Variants in HLA-DPB1 observed in about 807,000 individuals in gnomAD.
The protein encoded by HLA-DPB1 is HLA class II histocompatibility antigen, DP beta 1 chain.
In HLA-DPB1, 30 loss-of-function variants were observed where a neutral mutation model predicts 29.4. That is an observed-to-expected ratio of 1.02 (90% CI 0.76 to 1.38). The LOEUF is 1.38. Among genes scored for constraint, HLA-DPB1 ranks in the 40% most tolerant of loss-of-function variants. HLA-DPB1 has a pLI of 0.00. For synonymous variants in HLA-DPB1, 114 were observed against 134.0 expected, an observed-to-expected ratio of 0.85 and a Z score of 1.03; for missense variants, 261 against 327.5, an observed-to-expected ratio of 0.80 and a Z score of 1.57.
Position 33,086,575 on chromosome 6 carries a change from GGA to G in HLA-DPB1, c.*42_*43del. On this transcript the variant is annotated 3_prime_UTR_variant, in exon 6 of 6. Coordinates refer to ENST00000418931, the MANE Select transcript of HLA-DPB1 (RefSeq NM_002121.6). Reference sequence around the variant, plus strand: ...TCACTGAAAAGACTATTGTGCCTTAGGAAAAGCATTTGCTGTGTTTCGTTAGC... The same window carrying G: ...TCACTGAAAAGACTATTGTGCCTTAGAAAGCATTTGCTGTGTTTCGTTAGC... 1 of 599,190 alleles carries G rather than the reference GGA, an allele frequency of 1.7e-6. No homozygotes were observed. The highest frequency in any genetic ancestry group is 3.2e-6 in the Non-Finnish European group (1 of 316,462). 37.1% of individuals were successfully genotyped at this position (599,190 alleles called of 1,614,324 possible).
At chr6:33,083,136 G>A (rs115400085) in intron 2 of HLA-DPB1, among the ~76,000 whole-genome samples, 1 of 152,328 alleles carries the variant, frequency 6.6e-6, no homozygotes, top group Non-Finnish European at 1.5e-5. Flanking sequence ...GTGAGACACA[G>A]GTGCCCCTGA....
intron 5 of HLA-DPB1, 133 bp downstream of exon 5, chr6:33,086,375 A>C: frequency 1.2e-6 from 1 of 804,744 alleles, no homozygotes; most frequent in South Asian, 1.4e-5. Flanking sequence ...GTCAGCCTTC[A>C]GGCAAGTGGG....
chr6:33,080,977 C>A lies in HLA-DPB1; in HGVS notation c.364+42C>A. ...GGCCGGCGGTCCCAGGGCAGCCCCGCGGGCCCGTGCCCAGGGCGCAGGAGC... is the reference window on the plus strand; with the variant it reads ...GGCCGGCGGTCCCAGGGCAGCCCCGAGGGCCCGTGCCCAGGGCGCAGGAGC... On this transcript the variant is annotated intron_variant, in intron 2 of 5. Coordinates refer to ENST00000418931, the MANE Select transcript of HLA-DPB1 (RefSeq NM_002121.6). This position sits in a 1 kb window ranked among gnomAD's most constrained non-coding sequence, Gnocchi z 4.3. 1 of 1,524,532 alleles carries A rather than the reference C, an allele frequency of 6.6e-7. No individual in the cohort carries two copies. The highest frequency in any genetic ancestry group is 1.3e-5 in the South Asian group (1 of 78,466). The allele number at this position is 1,524,532 out of a possible 1,614,324, so 94.4% of individuals were successfully genotyped here.
At chr6:33,077,972 G>A (rs114275275) in intron 1 of HLA-DPB1, among the ~76,000 whole-genome samples, 1,553 of 152,280 alleles carry the variant, frequency 0.01, 31 homozygotes, top group African/African-American at 0.034. Context: ...TCAGCCCTGG[G>A]AACTGCAGAG....
chr6:33,085,248 C>T lies in HLA-DPB1; in HGVS notation c.646+17C>T, dbSNP rs539695276. The T allele has an allele frequency of 6.3e-7, 1 of 1,578,906 alleles. No individual in the cohort carries two copies. The highest frequency in any genetic ancestry group is 1.2e-5 in the South Asian group (1 of 86,446). On this transcript the variant is annotated intron_variant, in intron 3 of 5. Coordinates refer to ENST00000418931, the MANE Select transcript of HLA-DPB1 (RefSeq NM_002121.6). ...TGGAGTGGAGTGAGTCTCTGATGAC[C>T]CTCTAGACCCCACCTCTGAAGAGCA...
intron 4 of HLA-DPB1, 63 bp downstream of exon 4, chr6:33,085,952 G>A (rs775515340): frequency 3.6e-5 from 39 of 1,086,968 alleles, no homozygotes; most frequent in Middle Eastern, 2.1e-4. Context: ...CTTATTCCAC[G>A]ATGAGGGGTT....
chr6:33,078,289 GA>G (rs1379914067), intron 1 of HLA-DPB1, among the ~76,000 whole-genome samples: 1 of 152,158 alleles, frequency 6.6e-6, no homozygotes, highest in Non-Finnish European at 1.5e-5. Context: ...TGCGTAGAAT[GA>G]ATGTTCAATC....
intron 5 of HLA-DPB1, 46 bp from the exon 6 acceptor site, chr6:33,086,493 G>T: frequency 1.5e-6 from 1 of 684,220 alleles, no homozygotes; most frequent in Non-Finnish European, 2.7e-6. Flanking sequence ...TGGACTTACA[G>T]GAAGGAGGCT....
At position 33,088,934 on chromosome 6, in the gene HLA-DPB1, C is replaced by T. The variant is rs9277558; in HGVS notation, c.*2400C>T. 0.25 allele frequency among the ~76,000 whole-genome samples: 38,290 copies of T among 151,888 alleles called. 5,234 individuals carry two copies. The highest frequency in any genetic ancestry group is 0.63 in the East Asian group (3,222 of 5,148). The stretch of plus-strand genomic sequence containing the variant: ...TCCATCCCTTTCCACCTGGTCCCTT[C>T]ATTTTCTACCCCTCACAGTTCCCTA... On this transcript the variant is annotated 3_prime_UTR_variant, in exon 6 of 6. Transcript: ENST00000418931.
intron 1 of HLA-DPB1, among the ~76,000 whole-genome samples, chr6:33,077,228 G>A (rs1436405246): frequency 6.6e-6 from 1 of 151,954 alleles, no homozygotes; most frequent in African/African-American, 2.4e-5. Context: ...CTTCCTCCAT[G>A]TCCCTACAAA....
In HLA-DPB1 at chr6:33,088,481, C is replaced by A. The variant is rs1763213041; in HGVS notation, c.*1947C>A. The stretch of plus-strand genomic sequence containing the variant: ...GGGTGTCAGGAGATGAGGAATGTCC[C>A]TGGAGTCACAGAAAGAAGGTATCAG... On this transcript the variant is annotated 3_prime_UTR_variant, in exon 6 of 6. Coordinates refer to ENST00000418931, the MANE Select transcript of HLA-DPB1 (RefSeq NM_002121.6). 6.6e-6 allele frequency among the ~76,000 whole-genome samples: 1 copy of A among 152,142 alleles called. No individual in the cohort carries two copies. Among genetic ancestry groups the A allele is most frequent in the African/African-American group, 2.4e-5 (1 of 41,432 alleles).
In HLA-DPB1 at chr6:33,087,996, G is replaced by C. The variant is rs1195852974; in HGVS notation, c.*1462G>C. Among the ~76,000 whole-genome samples the C allele has an allele frequency of 6.6e-6, 1 of 152,150 alleles. No individual in the cohort carries two copies. The highest frequency in any genetic ancestry group is 1.9e-4 in the East Asian group (1 of 5,200). ...CTATAAAGGAAAATGCTGCTGACTT[G>C]TTTTTGCGTAGTAATTTCAGCTGTC... On this transcript the variant is annotated 3_prime_UTR_variant, in exon 6 of 6. Transcript: ENST00000418931.
In HLA-DPB1 at chr6:33,088,380, AAC is replaced by A. The variant is rs9280317; in HGVS notation, c.*1849_*1850del. Among the ~76,000 whole-genome samples, 38,302 of 151,966 alleles carry A rather than the reference AAC, an allele frequency of 0.25. 5,227 individuals are homozygous for A. The highest frequency in any genetic ancestry group is 0.63 in the East Asian group (3,215 of 5,138). On this transcript the variant is annotated 3_prime_UTR_variant, in exon 6 of 6. Coordinates refer to ENST00000418931, the MANE Select transcript of HLA-DPB1 (RefSeq NM_002121.6). ...GAGTGGAGTGAACAATCTCTGGACT[AAC>A]ACTTGTCAGGATCAGAAGCTGAGGT...
chr6:33,085,642 A>G (rs779753963), intron 3 of HLA-DPB1, 137 bp from the exon 4 acceptor site: 42 of 690,720 alleles, frequency 6.1e-5, no homozygotes, highest in Non-Finnish European at 1.0e-4. Context: ...GCTCTTTCTG[A>G]ATTTCCTCTT....
rs9501260 is a variant in HLA-DPB1 at position 33,088,873 on chromosome 6, C to T, written c.*2339C>T. 0.054 allele frequency among the ~76,000 whole-genome samples: 8,267 copies of T among 152,070 alleles called. 342 individuals are homozygous for T. Among genetic ancestry groups the T allele is most frequent in the African/African-American group, 0.095 (3,939 of 41,418 alleles). ...ATTGATACCTGCAGAAGAAAAAACCCGGCGGGCTTAGGACTCCCAGCTGAG... is the reference window on the plus strand; with the variant it reads ...ATTGATACCTGCAGAAGAAAAAACCTGGCGGGCTTAGGACTCCCAGCTGAG... On this transcript the variant is annotated 3_prime_UTR_variant, in exon 6 of 6. Transcript: ENST00000418931.
chr6:33,080,485 G>GA lies in HLA-DPB1; in HGVS notation c.101-183dup, dbSNP rs764048597. 1.0e-4 allele frequency: 82 copies of GA among 807,092 alleles called. No individual in the cohort carries two copies. Among genetic ancestry groups the GA allele is most frequent in the Non-Finnish European group, 1.6e-4 (75 of 469,780 alleles). The allele number at this position is 807,092 out of a possible 1,614,324, so 50.0% of individuals were successfully genotyped here. Reference sequence around the variant, plus strand: ...AGTAAATTCTCTCTCTGCGTGGTGAGAAAACAGGCCTGGAGAGGCTCTGCG... The same window carrying GA: ...AGTAAATTCTCTCTCTGCGTGGTGAGAAAAACAGGCCTGGAGAGGCTCTGCG... On this transcript the variant is annotated intron_variant, in intron 1 of 5. Coordinates refer to ENST00000418931, the MANE Select transcript of HLA-DPB1 (RefSeq NM_002121.6). This position sits in a 1 kb window ranked among gnomAD's most constrained non-coding sequence, Gnocchi z 4.3.
chr6:33,080,632 G>T lies in HLA-DPB1; in HGVS notation c.101-40G>T. On this transcript the variant is annotated intron_variant, in intron 1 of 5. Transcript: ENST00000418931. The surrounding 1 kb of genome is among the most constrained non-coding windows in gnomAD (Gnocchi z 4.3). Reference sequence around the variant, plus strand: ...GAGAGAGGGAGAAAGAGGATTAGATGAGAGTGGCGCCTCCGCTCATGTCCG... The same window carrying T: ...GAGAGAGGGAGAAAGAGGATTAGATTAGAGTGGCGCCTCCGCTCATGTCCG... 1 of 1,611,160 alleles carries T rather than the reference G, an allele frequency of 6.2e-7. No homozygotes were observed. The highest frequency in any genetic ancestry group is 8.5e-7 in the Non-Finnish European group (1 of 1,178,362).
intron 2 of HLA-DPB1, chr6:33,083,947 CACAGAGGAGGAA>C (rs879461571): frequency 0.37 from 55,343 of 148,128 alleles, 12,270 homozygotes; most frequent in East Asian, 0.64. Context: ...GAAGACGCAG[CACAGAGGAGGAA>C]CTTGAAAAAG....
In HLA-DPB1 at chr6:33,089,596, T is replaced by C. The variant is rs559069707; in HGVS notation, c.*3062T>C. Among the ~76,000 whole-genome samples the C allele has an allele frequency of 2.6e-5, 4 of 152,302 alleles. No individual in the cohort carries two copies. Among genetic ancestry groups the C allele is most frequent in the African/African-American group, 9.6e-5 (4 of 41,562 alleles). ...CTCGCATTTCATTTTCCAATGTAAA[T>C]CATATGGCTGCAACTAACTTCAAAT... is the stretch of plus-strand genomic sequence containing the variant. On this transcript the variant is annotated 3_prime_UTR_variant, in exon 6 of 6. Coordinates refer to ENST00000418931, the MANE Select transcript of HLA-DPB1 (RefSeq NM_002121.6).
Sources: gnomAD v4.1 joint callset for allele counts (sites outside exome capture counted in the v4.1 genomes callset) on GRCh38, gnomAD v4.1.1 for gene constraint, Gnocchi (gnomAD v3.1) non-coding constraint, MANE v1.5 for transcripts, NCBI Gene and HGNC (gene_info 2026-07-23, HGNC 2026-07-21) for gene names.